The following NECAB2 variants were observed in gnomAD, a reference collection of about 807,000 sequenced individuals.
NECAB2 encodes the protein N-terminal EF-hand calcium-binding protein 2.
In NECAB2, 68 loss-of-function variants were observed where a neutral mutation model predicts 51.9. That is an observed-to-expected ratio of 1.31 (90% CI 1.08 to 1.60). The LOEUF (loss-of-function observed/expected upper bound fraction) is 1.60. Among genes scored for constraint, NECAB2 ranks in the 40% most tolerant of loss-of-function variants. NECAB2 has a pLI of 0.00. For synonymous variants in NECAB2, 329 were observed against 203.5 expected (o/e 1.62, Z -5.25); for missense variants, 854 against 490.3 (o/e 1.74, Z -7.00).
intron 5 of NECAB2, among the ~76,000 whole-genome samples, chr16:83,984,451 G>C (rs1391928559): frequency 1.3e-5 from 2 of 151,924 alleles, no homozygotes; most frequent in African/African-American, 2.4e-5. Context: ...TGCCGCTCAC[G>C]GTGGCTCACG....
intron 3 of NECAB2, among the ~76,000 whole-genome samples, chr16:83,980,292 G>C (rs2151088836): frequency 6.6e-6 from 1 of 152,286 alleles, no homozygotes; most frequent in South Asian, 2.1e-4. Context: ...GCCGGTCTGT[G>C]CTCCTTCACT....
At chr16:83,971,892 G>A (rs111868670) in intron 1 of NECAB2, 2 of 593,390 alleles carry the variant, frequency 3.4e-6, no homozygotes, top group South Asian at 2.0e-5. Context: ...CTGCGTGTGT[G>A]TGTCAGCGTG....
chr16:84,000,537 T>A (rs1597232253), intron 10 of NECAB2, among the ~76,000 whole-genome samples, 187 bp from the exon 11 acceptor site: 2 of 152,164 alleles, frequency 1.3e-5, no homozygotes, highest in African/African-American at 4.8e-5. Flanking sequence ...TTGGCCACTA[T>A]AAGAAGCCAG....
At chr16:83,978,692 C>G in intron 3 of NECAB2, 140 bp downstream of exon 3, 1 of 669,310 alleles carries the variant, frequency 1.5e-6, no homozygotes, top group Admixed American at 2.7e-5. Flanking sequence ...CAGAAGTCAG[C>G]TCTTCACTGC....
upstream of NECAB2, among the ~76,000 whole-genome samples, chr16:83,967,746 G>A (rs1597188127): frequency 6.8e-6 from 1 of 146,532 alleles, no homozygotes; most frequent in East Asian, 2.1e-4. Flanking sequence ...ATGGATGGAT[G>A]GGAGGGTGGA....
Position 83,978,391 on chromosome 16 carries a change from A to G in NECAB2, c.227-53A>G. 2.0e-6 allele frequency: 3 copies of G among 1,508,208 alleles called. No individual in the cohort carries two copies. The South Asian group carries it at 3.4e-5, about 17-fold the overall frequency. 93.4% of individuals were successfully genotyped at this position (1,508,208 alleles called of 1,614,324 possible). On this transcript the variant is annotated intron_variant, in intron 2 of 12. Coordinates refer to ENST00000305202, the MANE Select transcript of NECAB2 (RefSeq NM_019065.3). ...TGGGGGCCGTGCATGCACTAGCCCCACCAGCCTTATCTCTGCAGACACCAG... is the reference window on the plus strand; with the variant it reads ...TGGGGGCCGTGCATGCACTAGCCCCGCCAGCCTTATCTCTGCAGACACCAG...
chr16:83,987,567 A>C (rs8049768), intron 5 of NECAB2, among the ~76,000 whole-genome samples: 27 of 152,222 alleles, frequency 1.8e-4, no homozygotes, highest in African/African-American at 6.0e-4. Context: ...TTAAATTTAT[A>C]ATCTGTGTTC....
Position 83,998,243 on chromosome 16 carries a change from C to G in NECAB2, c.888C>G (p.Pro296=), listed in dbSNP as rs147063450. 110 of 1,612,458 alleles carry G rather than the reference C, an allele frequency of 6.8e-5. No individual in the cohort carries two copies. The African/African-American group carries it at 1.2e-3, about 18-fold the overall frequency. ...TCCGGCAGGAGATGGCCGTGTGCCC[C>G]GAGCAACTGAGCGAGTTTCTGGACT... ...QLVRQEMAVC[P]EQLSEFLDSL... Residue 296 remains proline, a synonymous_variant, in exon 10 of 13, where the codon CCC becomes CCG. Coordinates refer to ENST00000305202, the MANE Select transcript of NECAB2 (RefSeq NM_019065.3).
At position 84,002,342 on chromosome 16, in the gene NECAB2, A is replaced by G. The variant is rs750980412; in HGVS notation, c.1157A>G (p.Asp386Gly). 3 of 1,613,942 alleles carry G rather than the reference A, an allele frequency of 1.9e-6. No individual in the cohort carries two copies. Among genetic ancestry groups the G allele is most frequent in the Non-Finnish European group, 2.5e-6 (3 of 1,179,932 alleles). Residue 386 changes from aspartate to glycine, a missense_variant, in exon 13 of 13, where the codon GAC (aspartate) becomes GGC (glycine). Physicochemically the swap from Asp to Gly is moderately conservative, Grantham distance 94 (BLOSUM62 -1). Coordinates refer to ENST00000305202, the MANE Select transcript of NECAB2 (RefSeq NM_019065.3). ...GCTGCTTGGTGCACGGTGGGACGGG[A>G]CTGACAGCCTCCCAGAGGCCCGTGG... ...VPAAWCTVGR[D>G] is the part of the protein sequence containing the mutation.
intron 5 of NECAB2, among the ~76,000 whole-genome samples, chr16:83,982,534 A>C (rs987364102): frequency 1.3e-5 from 2 of 152,268 alleles, no homozygotes; most frequent in Admixed American, 1.3e-4. Context: ...GTGTGAGGTC[A>C]CCATGTGCTC....
At chr16:83,994,249 A>G in intron 6 of NECAB2, 53 bp from the exon 7 acceptor site, 5 of 1,521,784 alleles carry the variant, frequency 3.3e-6, no homozygotes, top group Non-Finnish European at 4.6e-6. Flanking sequence ...TGGAAGTGGT[A>G]AGGGCCCTGA....
intron 5 of NECAB2, among the ~76,000 whole-genome samples, chr16:83,989,152 T>A (rs1473996429): frequency 6.6e-6 from 1 of 152,234 alleles, no homozygotes; most frequent in African/African-American, 2.4e-5. Context: ...TATGTCTTCA[T>A]GTCCGTTTTT....
rs779073716 is a variant in NECAB2 at position 84,002,390 on chromosome 16, C to G, written c.*44C>G. The stretch of plus-strand genomic sequence containing the variant: ...TGGAGGAGCCCACCAGCCCCTTCTT[C>G]TTGTGAAGGAAATCCCGTTTTTTTC... On this transcript the variant is annotated 3_prime_UTR_variant, in exon 13 of 13. Coordinates refer to ENST00000305202, the MANE Select transcript of NECAB2 (RefSeq NM_019065.3). 45 of 1,593,548 alleles carry G rather than the reference C, an allele frequency of 2.8e-5. No individual in the cohort carries two copies. In the South Asian group the frequency reaches 4.6e-4, roughly 16 times the overall value.
intron 12 of NECAB2, 123 bp from the exon 13 acceptor site, chr16:84,002,195 G>A: frequency 7.8e-7 from 1 of 1,276,376 alleles, no homozygotes; most frequent in South Asian, 1.2e-5. Flanking sequence ...TGACCAGCAA[G>A]GACCTGTGTG....
At chr16:83,984,790 T>G (rs1730847255) in intron 5 of NECAB2, among the ~76,000 whole-genome samples, 1 of 152,236 alleles carries the variant, frequency 6.6e-6, no homozygotes, top group African/African-American at 2.4e-5. Context: ...CCCATTTTTC[T>G]ACATTTTAAA....
chr16:83,990,271 T>C (rs955221405), intron 5 of NECAB2, among the ~76,000 whole-genome samples: 1 of 152,162 alleles, frequency 6.6e-6, no homozygotes, highest in Non-Finnish European at 1.5e-5. Context: ...ACAGAGCTAG[T>C]AAGTGGTGAA....
intron 2 of NECAB2, among the ~76,000 whole-genome samples, chr16:83,977,544 CT>C (rs976529361): frequency 3.3e-5 from 5 of 152,066 alleles, no homozygotes; most frequent in Non-Finnish European, 7.4e-5. Context: ...ATGGGTGGGA[CT>C]GGTGGCATGT....
intron 5 of NECAB2, among the ~76,000 whole-genome samples, chr16:83,989,250 G>A (rs1025732907): frequency 2.0e-5 from 3 of 152,218 alleles, no homozygotes; most frequent in African/African-American, 7.2e-5. Context: ...AACCTGCCAA[G>A]CTGTAAGAAC....
At chr16:83,997,862 GA>G (rs2084738720) in intron 9 of NECAB2, among the ~76,000 whole-genome samples, 1 of 152,126 alleles carries the variant, frequency 6.6e-6, no homozygotes, top group Non-Finnish European at 1.5e-5. Context: ...ACAGTGATGT[GA>G]AAATGCTGAG....
Sources: gnomAD v4.1 joint callset for allele counts (sites outside exome capture counted in the v4.1 genomes callset) on GRCh38, gnomAD v4.1.1 for gene constraint, MANE v1.5 for transcripts, NCBI Gene and HGNC (gene_info 2026-07-23, HGNC 2026-07-21) for gene names.